DST: variants seen among roughly 807,000 people sequenced by gnomAD.
DST encodes the protein bullous pemphigoid antigen.
DST carries 253 observed loss-of-function variants against 875.2 expected under a neutral mutation model. The ratio of observed to expected loss-of-function variants is 0.29; its 90% CI spans 0.26 to 0.32. The LOEUF is 0.32. Among genes scored for constraint, DST ranks in the 10% least tolerant of loss-of-function variants. The probability of loss-of-function intolerance (pLI) is 1.00; values close to 1 mark genes in which losing one functional copy is unlikely to be tolerated. For missense variants in DST, 8,287 were observed against 9,111.6 expected (o/e 0.91, Z 3.68); for synonymous variants, 3,124 against 3,197.1 (o/e 0.98, Z 0.77).
At position 56,603,096 on chromosome 6, in the gene DST, CTG is replaced by C. The variant is rs1328112570; in HGVS notation, c.11158-67_11158-66del. 3.3e-6 allele frequency: 5 copies of C among 1,538,256 alleles called. No homozygotes were observed. The African/African-American group carries it at 5.5e-5, about 17-fold the overall frequency. On this transcript the variant is annotated intron_variant, in intron 42 of 103. Transcript: ENST00000680361. ...AATGTCAAATTCTTACAAATAATGA[CTG>C]TGGTTTAAGAGTTAGCACTCTAAAA...
At chr6:56,766,573 C>T (rs942339842) in intron 4 of DST, among the ~76,000 whole-genome samples, 4 of 151,666 alleles carry the variant, frequency 2.6e-5, no homozygotes, top group African/African-American at 9.7e-5. Context: ...CTCTGCCACC[C>T]ACGCTGGTAT....
At chr6:56,845,277 ATTTC>A (rs1432306538) in intron 4 of DST, among the ~76,000 whole-genome samples, 1 of 151,668 alleles carries the variant, frequency 6.6e-6, no homozygotes, top group Non-Finnish European at 1.5e-5. Context: ...ATGATTTTTT[ATTTC>A]TTTGTTAGCG....
chr6:56,615,671 T>A (rs140921524), intron 36 of DST: 1 of 1,614,034 alleles, frequency 6.2e-7, no homozygotes, highest in African/African-American at 1.3e-5. Context: ...ATTTCTGACA[T>A]ATGACTTTTG....
intron 4 of DST, among the ~76,000 whole-genome samples, chr6:56,780,623 T>G (rs1590172433): frequency 6.6e-6 from 1 of 152,240 alleles, no homozygotes; most frequent in South Asian, 2.1e-4. Flanking sequence ...ATTCTGGATA[T>G]TAGCCCTTTG....
At chr6:56,572,389 C>G in intron 52 of DST, 123 bp from the exon 53 acceptor site, 1 of 584,744 alleles carries the variant, frequency 1.7e-6, no homozygotes. Context: ...AATGAGTCTG[C>G]CTATGGCCAG....
chr6:56,614,583 T>C, intron 36 of DST, 99 bp from the exon 37 acceptor site: 3 of 1,363,126 alleles, frequency 2.2e-6, no homozygotes, highest in Non-Finnish European at 2.8e-6. Context: ...AAATTTTTTT[T>C]CATCACACAC....
rs1282206946 is a variant in DST at position 56,460,139 on chromosome 6, T to A, written c.23186A>T (p.Gln7729Leu). Residue 7729 changes from glutamine (Q) to leucine (L), a missense_variant, in exon 103 of 104, where the codon CAG (glutamine) becomes CTG (leucine). Gln to Leu is a moderately radical substitution (Grantham distance 113). Transcript: ENST00000680361. The stretch of plus-strand genomic sequence containing the variant: ...AAAGGCACCACACTCACCAGCAAAC[T>A]GTGTTCGGACTCTGGCAGCTGCAGT... Reference protein sequence around the residue: ...ITTAAARVRTQFADSKKTPSR... With the variant: ...ITTAAARVRTLFADSKKTPSR... The A allele has an allele frequency of 6.2e-6, 10 of 1,611,594 alleles. No homozygotes were observed. Among genetic ancestry groups the A allele is most frequent in the Non-Finnish European group, 7.6e-6 (9 of 1,178,230 alleles).
At chr6:56,681,658 T>C (rs545885342) in intron 9 of DST, among the ~76,000 whole-genome samples, 153 of 152,358 alleles carry the variant, frequency 1.0e-3, no homozygotes, top group African/African-American at 3.4e-3. Context: ...GAGCAGTATA[T>C]CCTGAAAGAT....
chr6:56,459,657 A>G (rs1478861459), intron 103 of DST, among the ~76,000 whole-genome samples: 1 of 152,254 alleles, frequency 6.6e-6, no homozygotes, highest in Non-Finnish European at 1.5e-5. Context: ...GCCCAAGAAT[A>G]GGTAACTCCA....
intron 3 of DST, among the ~76,000 whole-genome samples, chr6:56,863,525 C>G (rs886622654): frequency 6.6e-6 from 1 of 152,172 alleles, no homozygotes; most frequent in African/African-American, 2.4e-5. Context: ...CCACACCCCT[C>G]TCCTCCTTAG....
At position 56,536,691 on chromosome 6, in the gene DST, T is replaced by C. The variant is rs577589975; in HGVS notation, c.16770+88A>G. The stretch of plus-strand genomic sequence containing the variant: ...AAACAGTAGACATATTTAGAAAAGT[T>C]TGGCTACCACAAATATGATTCATGG... On this transcript the variant is annotated intron_variant, in intron 62 of 103. Transcript: ENST00000680361. 16 of 1,299,902 alleles carry C rather than the reference T, an allele frequency of 1.2e-5. No homozygotes were observed. In the Admixed American group the frequency reaches 1.3e-4, roughly 10 times the overall value. 80.5% of individuals were successfully genotyped at this position (1,299,902 alleles called of 1,614,324 possible). A position where few individuals can be genotyped will look rare whatever the true frequency, so the allele number is the denominator to read the frequency against.
chr6:56,632,291 C>T lies in DST; in HGVS notation c.3806-251G>A, dbSNP rs2207678. On this transcript the variant is annotated intron_variant, in intron 28 of 103. Transcript: ENST00000680361. The stretch of plus-strand genomic sequence containing the variant: ...CGATTAAATGCTGTCCAAAGTAATA[C>T]GTTGCTATTTTATGTTCACAAAAAT... Among the ~76,000 whole-genome samples the T allele has an allele frequency of 0.12, 17,610 of 152,002 alleles. 2,199 individuals are homozygous for T. Among genetic ancestry groups the T allele is most frequent in the African/African-American group, 0.32 (13,176 of 41,426 alleles).
intron 5 of DST, among the ~76,000 whole-genome samples, chr6:56,727,916 T>C (rs1025968576): frequency 6.6e-6 from 1 of 152,224 alleles, no homozygotes; most frequent in African/African-American, 2.4e-5. Context: ...CTACTTCATG[T>C]TGGGCAGATA....
At chr6:56,618,990 T>C (rs754631959) in intron 36 of DST, 2 of 1,614,124 alleles carry the variant, frequency 1.2e-6, no homozygotes, top group African/African-American at 2.7e-5. Context: ...TTCAGATTTC[T>C]AACTTCTTTC....
intron 69 of DST, 35 bp from the exon 70 acceptor site, chr6:56,517,655 C>A (rs2096620410): frequency 6.3e-7 from 1 of 1,586,508 alleles, no homozygotes; most frequent in African/African-American, 1.4e-5. Context: ...TCAGCACGTT[C>A]CCGTTCCTGA....
chr6:56,889,598 A>T (rs1272982197), intron 3 of DST, among the ~76,000 whole-genome samples: 1 of 152,252 alleles, frequency 6.6e-6, no homozygotes, highest in Non-Finnish European at 1.5e-5. Flanking sequence ...AAAGATTCTA[A>T]GTCACCAGGA....
intron 2 of DST, among the ~76,000 whole-genome samples, chr6:56,949,028 A>G (rs180929805): frequency 1.7e-4 from 26 of 152,310 alleles, no homozygotes; most frequent in African/African-American, 6.0e-4. Context: ...CTAGAACCCA[A>G]AACCAGAATT....
chr6:56,604,750 C>A lies in DST; in HGVS notation c.9878G>T (p.Arg3293Leu), dbSNP rs201784474. 8.7e-5 allele frequency: 141 copies of A among 1,612,488 alleles called. No homozygotes were observed. The highest frequency in any genetic ancestry group is 3.3e-4 in the Middle Eastern group (2 of 6,070). ...ATCATTTCCTAATCCATTTGCACACCGCTCCGACTGCAGAAAATCATTTTT... is the reference window on the plus strand; with the variant it reads ...ATCATTTCCTAATCCATTTGCACACAGCTCCGACTGCAGAAAATCATTTTT... ...VGKNDFLQSE[R>L]CANGLGNDNS... The change falls in exon 40 of 104, where the codon CGG becomes CTG. Residue 3293 changes from arginine to leucine, a missense_variant. By Grantham distance (102) the Arg-to-Leu change is moderately radical. Transcript: ENST00000680361.
At chr6:56,750,321 A>C (rs138796889) in intron 4 of DST, among the ~76,000 whole-genome samples, 18 of 152,250 alleles carry the variant, frequency 1.2e-4, no homozygotes, top group Admixed American at 4.6e-4. Context: ...GTATCGTTCC[A>C]ATTTTAGTAT....
Sources: gnomAD v4.1 joint callset for allele counts (sites outside exome capture counted in the v4.1 genomes callset) on GRCh38, gnomAD v4.1.1 for gene constraint, MANE v1.5 for transcripts, NCBI Gene and HGNC (gene_info 2026-07-23, HGNC 2026-07-21) for gene names.